Variants in SEMA5A observed in about 807,000 individuals in gnomAD.
SEMA5A encodes the protein semaphorin-5A.
A neutral mutation model predicts 135.5 loss-of-function variants in SEMA5A; 55 were observed. The observed-to-expected ratio is 0.41, with a 90% CI of 0.33 to 0.51. SEMA5A has a LOEUF of 0.51. SEMA5A is among the 20% of genes least tolerant of loss of function. The pLI is 0.37. For missense variants in SEMA5A, 1,290 were observed against 1,419.9 expected (o/e 0.91, Z 1.47); for synonymous variants, 580 against 546.5 (o/e 1.06, Z -0.85).
At chr5:9,298,161 T>C (rs894897487) in intron 5 of SEMA5A, among the ~76,000 whole-genome samples, 6 of 151,014 alleles carry the variant, frequency 4.0e-5, no homozygotes, top group African/African-American at 1.5e-4. Context: ...AATGAGATCA[T>C]TAGGGTGGGC....
intron 10 of SEMA5A, among the ~76,000 whole-genome samples, chr5:9,196,949 G>A (rs939857399): frequency 1.2e-4 from 19 of 152,182 alleles, no homozygotes; most frequent in African/African-American, 4.3e-4. Flanking sequence ...AGGCATCACA[G>A]CTGACAAAAG....
At chr5:9,238,805 T>C (rs1314337691) in intron 5 of SEMA5A, among the ~76,000 whole-genome samples, 1 of 152,116 alleles carries the variant, frequency 6.6e-6, no homozygotes, top group African/African-American at 2.4e-5. Context: ...TTTTCTATTT[T>C]ACTATTAAAA....
chr5:9,307,155 A>G (rs994465920), intron 5 of SEMA5A, among the ~76,000 whole-genome samples: 3 of 152,232 alleles, frequency 2.0e-5, no homozygotes, highest in African/African-American at 7.2e-5. Context: ...CAACCCATAT[A>G]AAATCATTGA....
At position 9,115,310 on chromosome 5, in the gene SEMA5A, A is replaced by C. The variant is rs1385902435; in HGVS notation, c.1925+3688T>G. ...AAAAAGAAAGCCTGACTCAGGAAGC[A>C]TAACTAAGAGTCCAGAAGGCAGAGC... On this transcript the variant is annotated intron_variant, in intron 15 of 22. Transcript: ENST00000382496. 2.0e-5 allele frequency among the ~76,000 whole-genome samples: 3 copies of C among 152,222 alleles called. No individual in the cohort carries two copies. The East Asian group carries it at 5.8e-4, about 29-fold the overall frequency.
At chr5:9,434,676 T>A (rs1757970659) in intron 2 of SEMA5A, among the ~76,000 whole-genome samples, 1 of 152,144 alleles carries the variant, frequency 6.6e-6, no homozygotes, top group African/African-American at 2.4e-5. Context: ...GCTTTCTCAG[T>A]TAATAAGGAA....
chr5:9,417,659 G>T (rs1281645497), intron 2 of SEMA5A, among the ~76,000 whole-genome samples: 1 of 152,136 alleles, frequency 6.6e-6, no homozygotes, highest in Non-Finnish European at 1.5e-5. Flanking sequence ...TTACTTCTGT[G>T]CCTTGTCTTT....
chr5:9,394,064 C>T (rs575464649), intron 2 of SEMA5A, among the ~76,000 whole-genome samples: 10 of 152,062 alleles, frequency 6.6e-5, no homozygotes, highest in African/African-American at 9.6e-5. Context: ...ATTTTGAATT[C>T]GATAAAAGTA....
chr5:9,320,134 C>A lies in SEMA5A; in HGVS notation c.225-1717G>T, dbSNP rs181465204. Among the ~76,000 whole-genome samples the A allele has an allele frequency of 2.5e-3, 378 of 152,254 alleles. 2 individuals carry two copies. The highest frequency in any genetic ancestry group is 8.5e-3 in the African/African-American group (355 of 41,560). ...CACATGGGGGTACCACCTCTCTAAA[C>A]CGAGTGAAAACAGCCTCACCCAAAC... On this transcript the variant is annotated intron_variant, in intron 4 of 22. Transcript: ENST00000382496.
At chr5:9,264,588 C>T (rs534388841) in intron 5 of SEMA5A, among the ~76,000 whole-genome samples, 42 of 152,238 alleles carry the variant, frequency 2.8e-4, no homozygotes, top group African/African-American at 9.9e-4. Flanking sequence ...TTCTCAGCTT[C>T]GGGGTTCCAG....
At chr5:9,461,722 T>C (rs1427366346) in intron 1 of SEMA5A, among the ~76,000 whole-genome samples, 1 of 152,144 alleles carries the variant, frequency 6.6e-6, no homozygotes, top group African/African-American at 2.4e-5. Context: ...CACAATCATA[T>C]GTGGAGGAAA....
intron 1 of SEMA5A, among the ~76,000 whole-genome samples, chr5:9,465,770 C>T (rs1159096134): frequency 6.6e-6 from 1 of 152,202 alleles, no homozygotes; most frequent in Non-Finnish European, 1.5e-5. Context: ...ACTTTATTCT[C>T]CATCTATATT....
chr5:9,125,293 G>A (rs140404737), intron 13 of SEMA5A, among the ~76,000 whole-genome samples: 36 of 152,244 alleles, frequency 2.4e-4, no homozygotes, highest in African/African-American at 2.6e-4. Flanking sequence ...CAAAACGGAC[G>A]GAATGGAGCT....
intron 3 of SEMA5A, among the ~76,000 whole-genome samples, chr5:9,345,255 A>G (rs1274283146): frequency 6.6e-6 from 1 of 152,094 alleles, no homozygotes; most frequent in Non-Finnish European, 1.5e-5. Flanking sequence ...AATATCAAAC[A>G]TGTTTCTTTA....
intron 4 of SEMA5A, among the ~76,000 whole-genome samples, chr5:9,319,913 C>A (rs571797669): frequency 1.6e-4 from 25 of 152,178 alleles, no homozygotes; most frequent in Admixed American, 1.4e-3. Context: ...AAGGGCATAG[C>A]CTTGAGATGA....
chr5:9,507,309 CAG>C (rs1374896173), intron 1 of SEMA5A, among the ~76,000 whole-genome samples: 1 of 152,178 alleles, frequency 6.6e-6, no homozygotes, highest in African/African-American at 2.4e-5. Flanking sequence ...ACTAGTTCCT[CAG>C]AGAGAGGGGA....
chr5:9,074,362 C>T (rs1341015764), intron 16 of SEMA5A, among the ~76,000 whole-genome samples: 1 of 152,020 alleles, frequency 6.6e-6, no homozygotes, highest in Non-Finnish European at 1.5e-5. Context: ...TGGATCATAG[C>T]CCAATATCTA....
intron 3 of SEMA5A, among the ~76,000 whole-genome samples, chr5:9,350,494 A>G (rs1754065791): frequency 6.6e-6 from 1 of 152,200 alleles, no homozygotes; most frequent in Admixed American, 6.5e-5. Flanking sequence ...TCTTTGATCC[A>G]TGCCAGATAG....
intron 10 of SEMA5A, among the ~76,000 whole-genome samples, chr5:9,193,320 CA>C (rs1745213753): frequency 6.6e-6 from 1 of 152,122 alleles, no homozygotes; most frequent in Admixed American, 6.5e-5. Context: ...AAGAAGAAAA[CA>C]ATAAAAATAG....
intron 1 of SEMA5A, among the ~76,000 whole-genome samples, chr5:9,477,376 C>A (rs966300931): frequency 6.6e-6 from 1 of 152,088 alleles, no homozygotes; most frequent in African/African-American, 2.4e-5. Flanking sequence ...CTTTGAACTG[C>A]GTAATGGGCA....
Sources: allele counts gnomAD v4.1 joint callset (sites outside exome capture counted in the v4.1 genomes callset), GRCh38; gene constraint gnomAD v4.1.1; transcripts MANE v1.5; gene names NCBI Gene and HGNC (gene_info 2026-07-23, HGNC 2026-07-21).